Variants in STAB2 observed in about 807,000 individuals in gnomAD.
The protein encoded by STAB2 is stabilin-2.
A neutral mutation model predicts 338.1 loss-of-function variants in STAB2; 288 were observed. The ratio of observed to expected loss-of-function variants is 0.85; its 90% CI spans 0.77 to 0.94. The LOEUF (loss-of-function observed/expected upper bound fraction) is 0.94, where lower values mean the gene tolerates loss of function less well. STAB2 is among the 40% of genes least tolerant of loss of function. The probability of loss-of-function intolerance (pLI) is 0.00; values close to 1 mark genes in which losing one functional copy is unlikely to be tolerated. For synonymous variants in STAB2, 1,202 were observed against 1,193.3 expected, an observed-to-expected ratio of 1.01 and a Z score of -0.15; for missense variants, 3,141 against 3,210.1, an observed-to-expected ratio of 0.98 and a Z score of 0.52.
intron 63 of STAB2, 82 bp from the exon 64 acceptor site, chr12:103,758,088 T>C: frequency 6.3e-7 from 1 of 1,585,274 alleles, no homozygotes; most frequent in South Asian, 1.1e-5. Context: ...CACAGATGGG[T>C]GATGCCCTGG....
chr12:103,616,674 C>T (rs2138618571), intron 3 of STAB2, among the ~76,000 whole-genome samples: 2 of 152,350 alleles, frequency 1.3e-5, no homozygotes, highest in Non-Finnish European at 2.9e-5. Flanking sequence ...GCTCCTTGTA[C>T]ACCCATTTCT....
chr12:103,765,682 C>T (rs919824744), intron 68 of STAB2, among the ~76,000 whole-genome samples: 1 of 152,186 alleles, frequency 6.6e-6, no homozygotes, highest in Non-Finnish European at 1.5e-5. Context: ...TCCCGAGTAG[C>T]TGGGCCTACA....
rs1313986888 is a variant in STAB2 at position 103,677,434 on chromosome 12, TTTTC to T, written c.2647-15_2647-12del. On this transcript the variant is annotated splice_polypyrimidine_tract_variant and intron_variant, in intron 24 of 68. Transcript: ENST00000388887. ...GGACTGAGGATTCAGAGGCTTTGCTTTTTCTTTTCCTCCTGCAGGCAGAATGCAT... is the reference window on the plus strand; with the variant it reads ...GGACTGAGGATTCAGAGGCTTTGCTTTTTTCCTCCTGCAGGCAGAATGCAT... 2.5e-6 allele frequency: 4 copies of T among 1,594,960 alleles called. No homozygotes were observed. The highest frequency in any genetic ancestry group is 3.4e-6 in the Non-Finnish European group (4 of 1,164,758).
In STAB2 at chr12:103,713,784, T is replaced by G. The variant is rs369945388; in HGVS notation, c.4537+16T>G. 1 of 1,613,026 alleles carries G rather than the reference T, an allele frequency of 6.2e-7. No individual in the cohort carries two copies. Among genetic ancestry groups the G allele is most frequent in the Non-Finnish European group, 8.5e-7 (1 of 1,179,352 alleles). On this transcript the variant is annotated intron_variant, in intron 42 of 68. Transcript: ENST00000388887. ...GTGTGCCTGGGTAGGTGTCCTTCCC[T>G]CTTCCATCGGCGAAATGGTATAAGA...
intron 22 of STAB2, among the ~76,000 whole-genome samples, chr12:103,671,781 A>G (rs182077985): frequency 6.6e-6 from 1 of 152,338 alleles, no homozygotes; most frequent in East Asian, 1.9e-4. Flanking sequence ...AAGTTCCACC[A>G]CAATAGGCAT....
At chr12:103,646,686 C>A (rs1873361441) in intron 9 of STAB2, among the ~76,000 whole-genome samples, 1 of 152,106 alleles carries the variant, frequency 6.6e-6, no homozygotes, top group Non-Finnish European at 1.5e-5. Context: ...GCTCTCTTAC[C>A]TAGAAGGTTC....
At chr12:103,699,336 GTCAGT>G in intron 34 of STAB2, 109 bp downstream of exon 34, 1 of 1,380,958 alleles carries the variant, frequency 7.2e-7, no homozygotes, top group Non-Finnish European at 9.7e-7. Flanking sequence ...TTCTGTATTA[GTCAGT>G]TTTCACACTG....
At chr12:103,734,318 T>C (rs113979595) in intron 51 of STAB2, among the ~76,000 whole-genome samples, 98 of 151,312 alleles carry the variant, frequency 6.5e-4, no homozygotes, top group African/African-American at 2.3e-3. Context: ...AGCGCGATCA[T>C]ATGGGAGCAA....
intron 63 of STAB2, among the ~76,000 whole-genome samples, chr12:103,757,204 C>G (rs1305033050): frequency 6.6e-6 from 1 of 151,650 alleles, no homozygotes; most frequent in Non-Finnish European, 1.5e-5. Context: ...TCCTCCCACC[C>G]CAGCCTCCAG....
chr12:103,753,211 C>T lies in STAB2; in HGVS notation c.6581-9C>T, dbSNP rs763707779. On this transcript the variant is annotated splice_polypyrimidine_tract_variant and intron_variant, in intron 60 of 68. Transcript: ENST00000388887. ...CTGACCTGGGCGATTCCTCCTCTTC[C>T]TCATCCAGATACCACTGTTGGGGTG... 6.2e-7 allele frequency: 1 copy of T among 1,613,942 alleles called. No individual in the cohort carries two copies. The highest frequency in any genetic ancestry group is 8.5e-7 in the Non-Finnish European group (1 of 1,179,822).
intron 34 of STAB2, among the ~76,000 whole-genome samples, chr12:103,702,864 C>G (rs1879023939): frequency 6.6e-6 from 1 of 152,114 alleles, no homozygotes; most frequent in Admixed American, 6.6e-5. Flanking sequence ...ATGGAAGATA[C>G]CTAGAAATTA....
In STAB2 at chr12:103,673,910, GC is replaced by G; in HGVS notation, c.2377del (p.Leu793CysfsTer11). On this transcript the variant is annotated frameshift_variant, in exon 23 of 69. Coordinates refer to ENST00000388887, the MANE Select transcript of STAB2 (RefSeq NM_017564.10). LOFTEE classifies it high-confidence loss of function. ...GTCCCTCCTCCTCCTCTTTCAGAATGCCTGTGCGTTCACGGAACATGCAATA... is the reference window on the plus strand; with the variant it reads ...GTCCCTCCTCCTCCTCTTTCAGAATGCTGTGCGTTCACGGAACATGCAATA... ...NKYGPRCNKKCLCVHGTCNNR... is the reference protein window; with the variant it reads ...NKYGPRCNKKXLCVHGTCNNR... The G allele has an allele frequency of 6.2e-7, 1 of 1,610,076 alleles. No homozygotes were observed. The highest frequency in any genetic ancestry group is 1.1e-5 in the South Asian group (1 of 90,992).
intron 60 of STAB2, among the ~76,000 whole-genome samples, chr12:103,751,979 T>C (rs547715014): frequency 1.2e-4 from 19 of 152,286 alleles, no homozygotes; most frequent in Non-Finnish European, 2.6e-4. Flanking sequence ...AGGAAGCGCC[T>C]GCCCTCACAC....
chr12:103,673,826 C>T, intron 22 of STAB2, 81 bp from the exon 23 acceptor site: 1 of 1,458,524 alleles, frequency 6.9e-7, no homozygotes, highest in Non-Finnish European at 9.3e-7. Context: ...AAGAGGTGGT[C>T]CCTGTCCTCC....
intron 63 of STAB2, among the ~76,000 whole-genome samples, chr12:103,757,208 C>T (rs1884197801): frequency 6.6e-6 from 1 of 151,822 alleles, no homozygotes; most frequent in Non-Finnish European, 1.5e-5. Context: ...CCCACCCCAG[C>T]CTCCAGAGCA....
At chr12:103,704,462 A>C in intron 35 of STAB2, 96 bp from the exon 36 acceptor site, 1 of 1,271,366 alleles carries the variant, frequency 7.9e-7, no homozygotes, top group South Asian at 1.3e-5. Flanking sequence ...ATCTGCCTTG[A>C]TTTTTAATTC....
In STAB2 at chr12:103,689,859, A is replaced by C; in HGVS notation, c.3059A>C (p.Gln1020Pro). 6.2e-7 allele frequency: 1 copy of C among 1,613,870 alleles called. No homozygotes were observed. Among genetic ancestry groups the C allele is most frequent in the South Asian group, 1.1e-5 (1 of 91,004 alleles). Reference protein sequence around the residue: ...FNRWINNASLQPTLSATSNLT... With the variant: ...FNRWINNASLPPTLSATSNLT... ...TCTGTGGTTCAGAATGCTTCTCTACAACCCACACTGTCAGCCACCTCAAAC... is the reference window on the plus strand; with the variant it reads ...TCTGTGGTTCAGAATGCTTCTCTACCACCCACACTGTCAGCCACCTCAAAC... Residue 1020 changes from glutamine to proline, a missense_variant, in exon 29 of 69, where the codon CAA (glutamine) becomes CCA (proline). Physicochemically the swap from Gln to Pro is moderately conservative, Grantham distance 76 (BLOSUM62 -1). Transcript: ENST00000388887.
At chr12:103,709,571 G>C (rs1185956132) in intron 39 of STAB2, among the ~76,000 whole-genome samples, 1 of 152,194 alleles carries the variant, frequency 6.6e-6, no homozygotes, top group African/African-American at 2.4e-5. Context: ...CCTAGTGGGG[G>C]CTCCATGGAT....
intron 22 of STAB2, 131 bp downstream of exon 22, chr12:103,670,938 A>G: frequency 1.4e-6 from 1 of 711,606 alleles, no homozygotes; most frequent in South Asian, 1.7e-5. Flanking sequence ...CAGAGCATTC[A>G]TTAAGCTTTG....
Sources: gnomAD v4.1 joint callset for allele counts (sites outside exome capture counted in the v4.1 genomes callset) on GRCh38, gnomAD v4.1.1 for gene constraint, MANE v1.5 for transcripts, NCBI Gene and HGNC (gene_info 2026-07-23, HGNC 2026-07-21) for gene names.